ANK1: variants seen among roughly 807,000 people sequenced by gnomAD.
ANK1 encodes the protein ankyrin 1.
ANK1 carries 51 observed loss-of-function variants against 210.4 expected under a neutral mutation model. The ratio of observed to expected loss-of-function variants is 0.24; its 90% CI spans 0.19 to 0.31. ANK1 has a LOEUF of 0.31. ANK1 is among the 10% of genes least tolerant of loss of function. The pLI, the probability that ANK1 is intolerant of heterozygous loss-of-function variation, is 1.00. For missense variants in ANK1, 2,051 were observed against 2,504.4 expected (o/e 0.82, Z 3.86); for synonymous variants, 967 against 1,025.9 (o/e 0.94, Z 1.10).
rs1475134260 is a variant in ANK1 at position 41,690,100 on chromosome 8, T to G, written c.4104+127A>C. Reference sequence around the variant, plus strand: ...TGGAGGAGAGCTCAGCACCTTTGCATGCCTCGGGGGACTCTAAGCTTCCAC... The same window carrying G: ...TGGAGGAGAGCTCAGCACCTTTGCAGGCCTCGGGGGACTCTAAGCTTCCAC... On this transcript the variant is annotated intron_variant, in intron 33 of 42. Coordinates refer to ENST00000289734, the MANE Select transcript of ANK1 (RefSeq NM_000037.4). The G allele has an allele frequency of 1.8e-5, 26 of 1,463,304 alleles. 2 individuals are homozygous for G. In the South Asian group the frequency reaches 2.7e-4, roughly 15 times the overall value. 90.6% of individuals were successfully genotyped at this position (1,463,304 alleles called of 1,614,324 possible).
intron 26 of ANK1, 48 bp downstream of exon 26, chr8:41,696,315 C>G (rs1373224627): frequency 6.3e-7 from 1 of 1,599,864 alleles, no homozygotes; most frequent in Admixed American, 1.7e-5. Context: ...GGCGTGGCCT[C>G]CGTGGCACAG....
At chr8:41,713,002 G>A (rs1006107734) in intron 16 of ANK1, among the ~76,000 whole-genome samples, 1 of 152,178 alleles carries the variant, frequency 6.6e-6, no homozygotes, top group Admixed American at 6.5e-5. Flanking sequence ...GGGAGCCGGC[G>A]TCTGTAGAAG....
intron 2 of ANK1, among the ~76,000 whole-genome samples, chr8:41,738,468 T>C (rs546753936): frequency 1.3e-4 from 20 of 152,338 alleles, no homozygotes; most frequent in African/African-American, 4.8e-4. Flanking sequence ...ACAAAGGAGC[T>C]TGTACAGCTG....
intron 16 of ANK1, among the ~76,000 whole-genome samples, chr8:41,711,783 C>T (rs926932925): frequency 1.3e-5 from 2 of 152,130 alleles, no homozygotes; most frequent in East Asian, 1.9e-4. Context: ...AACTGTAAGC[C>T]GCCTCAGACA....
In ANK1 at chr8:41,664,928, G is replaced by T. The variant is rs753366064; in HGVS notation, c.5395-1186C>A. 3.7e-6 allele frequency: 6 copies of T among 1,614,250 alleles called. No individual in the cohort carries two copies. In the Admixed American group the frequency reaches 5.0e-5, roughly 13 times the overall value. On this transcript the variant is annotated intron_variant, in intron 39 of 42. Coordinates refer to ENST00000289734, the MANE Select transcript of ANK1 (RefSeq NM_000037.4). ...GGATGTGCTTTAGCACAAAGCACAG[G>T]GACCCCCTGACAATGTGCATCACGT...
intron 1 of ANK1, among the ~76,000 whole-genome samples, chr8:41,888,485 A>G (rs899793306): frequency 1.3e-5 from 2 of 152,154 alleles, no homozygotes; most frequent in African/African-American, 4.8e-5. Context: ...ATCCATTCAC[A>G]CCACCCTCAT....
intron 1 of ANK1, among the ~76,000 whole-genome samples, chr8:41,842,866 G>A (rs1376084117): frequency 6.6e-6 from 1 of 152,046 alleles, no homozygotes; most frequent in Non-Finnish European, 1.5e-5. Context: ...TGTTTGTTTT[G>A]AGACGGATCT....
At chr8:41,722,029 C>G (rs1462386309) in intron 9 of ANK1, among the ~76,000 whole-genome samples, 3 of 152,198 alleles carry the variant, frequency 2.0e-5, no homozygotes, top group Non-Finnish European at 4.4e-5. Context: ...AGTAGCAATT[C>G]TACTTTCATT....
intron 2 of ANK1, among the ~76,000 whole-genome samples, chr8:41,741,440 G>T (rs758871697): frequency 3.5e-4 from 53 of 152,234 alleles, no homozygotes; most frequent in Non-Finnish European, 7.1e-4. Flanking sequence ...GATTTTGGTG[G>T]CTGGGTGTGA....
chr8:41,705,273 C>CT (rs774194092), intron 18 of ANK1, among the ~76,000 whole-genome samples: 27 of 152,342 alleles, frequency 1.8e-4, no homozygotes, highest in Non-Finnish European at 3.2e-4. Flanking sequence ...AATGGGATGG[C>CT]TTTTGGATCC....
intron 1 of ANK1, among the ~76,000 whole-genome samples, chr8:41,818,101 A>G (rs1435942199): frequency 6.6e-6 from 1 of 152,248 alleles, no homozygotes; most frequent in Non-Finnish European, 1.5e-5. Flanking sequence ...AAGAAAAAAT[A>G]AAAGAAGACG....
At chr8:41,842,657 C>T (rs541984736) in intron 1 of ANK1, among the ~76,000 whole-genome samples, 2 of 152,170 alleles carry the variant, frequency 1.3e-5, no homozygotes, top group Admixed American at 6.5e-5. Context: ...TTACAGGAAG[C>T]GCATATTAGT....
chr8:41,776,339 G>A (rs34342524), intron 1 of ANK1, among the ~76,000 whole-genome samples: 30,657 of 152,110 alleles, frequency 0.2, 4,245 homozygotes, highest in East Asian at 0.71. Flanking sequence ...CATGAACTAG[G>A]CCCTCCAGGG....
Position 41,654,390 on chromosome 8 carries a change from T to C in ANK1, c.*1400A>G, listed in dbSNP as rs901344844. 3 of 152,584 alleles carry C rather than the reference T, an allele frequency of 2.0e-5. No individual in the cohort carries two copies. Among genetic ancestry groups the C allele is most frequent in the African/African-American group, 7.2e-5 (3 of 41,432 alleles). The allele number at this position is 152,584 out of a possible 1,614,324, so 9.5% of individuals were successfully genotyped here. ...CGGCCATGCGGTCCGGGGAGCCCCC[T>C]GGCTCGCCTCTCCAAGAGGCCACAG... is the stretch of plus-strand genomic sequence containing the variant. On this transcript the variant is annotated 3_prime_UTR_variant, in exon 43 of 43. Transcript: ENST00000289734.
At chr8:41,734,170 C>T (rs1036489546) in intron 2 of ANK1, 101 bp from the exon 3 acceptor site, 19 of 1,025,550 alleles carry the variant, frequency 1.9e-5, no homozygotes, top group Non-Finnish European at 2.4e-5. Context: ...GAGGTGTTCA[C>T]AGCACTGGAG....
chr8:41,768,666 C>A (rs184757884), intron 1 of ANK1, among the ~76,000 whole-genome samples: 47 of 152,190 alleles, frequency 3.1e-4, no homozygotes, highest in African/African-American at 1.1e-3. Context: ...GTACTCAGCG[C>A]CAGGAAGAGA....
chr8:41,814,376 AG>A (rs1272854812), intron 1 of ANK1, among the ~76,000 whole-genome samples: 3 of 147,068 alleles, frequency 2.0e-5, no homozygotes, highest in South Asian at 4.3e-4. Context: ...AAAAAAAAAA[AG>A]TATCCTCCTG....
At chr8:41,857,883 G>A (rs1040151292) in intron 1 of ANK1, among the ~76,000 whole-genome samples, 4 of 151,146 alleles carry the variant, frequency 2.6e-5, no homozygotes, top group African/African-American at 7.4e-5. Context: ...CAGCCTGGGC[G>A]ACAGAGTGAG....
intron 6 of ANK1, 34 bp downstream of exon 6, chr8:41,725,727 C>T (rs1168422363): frequency 1.3e-6 from 2 of 1,594,082 alleles, no homozygotes; most frequent in Non-Finnish European, 1.7e-6. Context: ...CGGGCGTCCG[C>T]GGCCCAAGGC....
Sources: gnomAD v4.1 joint callset for allele counts (sites outside exome capture counted in the v4.1 genomes callset) on GRCh38, gnomAD v4.1.1 for gene constraint, MANE v1.5 for transcripts, NCBI Gene and HGNC (gene_info 2026-07-23, HGNC 2026-07-21) for gene names.